TCEA2: variants seen among roughly 807,000 people sequenced by gnomAD.
The protein encoded by TCEA2 is transcription elongation factor A protein 2.
In TCEA2, 21 loss-of-function variants were observed where a neutral mutation model predicts 40.8. That is an observed-to-expected ratio of 0.51 (90% CI 0.36 to 0.74). TCEA2 has a LOEUF of 0.74. TCEA2 is among the 30% of genes least tolerant of loss of function. The pLI, the probability that TCEA2 is intolerant of heterozygous loss-of-function variation, is 0.00. For missense variants in TCEA2, 326 were observed against 426.5 expected (o/e 0.76, Z 2.08); for synonymous variants, 165 against 162.7 (o/e 1.01, Z -0.11).
At chr20:64,059,098 CAA>C (rs1038948251), upstream of TCEA2, among the ~76,000 whole-genome samples, 7 of 145,672 alleles carry the variant, frequency 4.8e-5, no homozygotes, top group African/African-American at 2.5e-5. Context: ...GAGGCTGAGA[CAA>C]GAGAATTGCT....
At chr20:64,069,881 C>G (rs746280512) in intron 6 of TCEA2, 60 bp downstream of exon 6, 7 of 1,589,200 alleles carry the variant, frequency 4.4e-6, no homozygotes, top group Non-Finnish European at 6.0e-6. Context: ...GGCTGCCTGG[C>G]CTGGTGCCCT....
upstream of TCEA2, among the ~76,000 whole-genome samples, chr20:64,056,444 A>G (rs542209733): frequency 1.3e-5 from 2 of 152,136 alleles, no homozygotes; most frequent in African/African-American, 4.8e-5. Flanking sequence ...AGAGCCCCCA[A>G]GGTGGGCTGG....
chr20:64,063,211 GT>G lies in TCEA2; in HGVS notation c.-101del, dbSNP rs1187874830. 21 of 1,064,298 alleles carry G rather than the reference GT, an allele frequency of 2.0e-5. No homozygotes were observed. The highest frequency in any genetic ancestry group is 4.4e-5 in the Admixed American group (1 of 22,696). The allele number at this position is 1,064,298 out of a possible 1,614,324, so 65.9% of individuals were successfully genotyped here. On this transcript the variant is annotated 5_prime_UTR_variant, in exon 1 of 10. Transcript: ENST00000343484. ...GGTCTGTCGTCCGCGGCGGGGCTGC[GT>G]CGGCTGCGGCGGGTGTGGGAGGTGG...
Position 64,070,516 on chromosome 20 carries a change from A to C in TCEA2, c.700A>C (p.Ile234Leu), listed in dbSNP as rs746888564. 2.5e-6 allele frequency: 4 copies of C among 1,613,712 alleles called. No homozygotes were observed. The highest frequency in any genetic ancestry group is 3.4e-6 in the Non-Finnish European group (4 of 1,180,018). Residue 234 changes from isoleucine (I) to leucine (L), a missense_variant, in exon 8 of 10, where the codon ATC becomes CTC. Ile to Leu is a conservative substitution (Grantham distance 5). Coordinates refer to ENST00000343484, the MANE Select transcript of TCEA2 (RefSeq NM_003195.6). ...GATGGCCAGTGATGAGCTGAAGGAG[A>C]TCCGTAAGGCCATGACCAAGGAGGC... ...EEMASDELKE[I>L]RKAMTKEAIR...
rs2059767605 is a variant in TCEA2 at position 64,069,239 on chromosome 20, GAGT to G, written c.330-119_330-117del. 5 of 1,403,858 alleles carry G rather than the reference GAGT, an allele frequency of 3.6e-6. No individual in the cohort carries two copies. The Admixed American group carries it at 1.2e-4, about 33-fold the overall frequency. The allele number at this position is 1,403,858 out of a possible 1,614,324, so 87.0% of individuals were successfully genotyped here. ...CACAGGCCACTGTTGGACTCTGGCA[GAGT>G]AGAACAAGCAGGGGTTGGTGGGGGA... On this transcript the variant is annotated intron_variant, in intron 4 of 9. Transcript: ENST00000343484.
At chr20:64,060,134 G>T (rs1044794706), upstream of TCEA2, among the ~76,000 whole-genome samples, 4 of 152,180 alleles carry the variant, frequency 2.6e-5, no homozygotes, top group African/African-American at 9.6e-5. Flanking sequence ...CAGCTCTCTG[G>T]GGTTAGTTCT....
At chr20:64,061,553 G>A (rs1487355551), upstream of TCEA2, among the ~76,000 whole-genome samples, 1 of 152,178 alleles carries the variant, frequency 6.6e-6, no homozygotes, top group Non-Finnish European at 1.5e-5. Context: ...GGGATTACAG[G>A]CATGAGCCAC....
In TCEA2 at chr20:64,069,396, C is replaced by T; in HGVS notation, c.365C>T (p.Thr122Ile). 5 of 1,609,512 alleles carry T rather than the reference C, an allele frequency of 3.1e-6. No homozygotes were observed. Among genetic ancestry groups the T allele is most frequent in the Non-Finnish European group, 4.2e-6 (5 of 1,178,260 alleles). The change falls in exon 5 of 10, where the codon ACT becomes ATT. Residue 122 changes from threonine (T) to isoleucine (I), a missense_variant. Transcript: ENST00000343484. ...KRPELPRAPS[T>I]PRITTFPPVP... The stretch of plus-strand genomic sequence containing the variant: ...CCGGAGCTGCCCAGGGCACCGTCGA[C>T]TCCGAGGATCACCACATTTCCTCCG...
At chr20:64,060,991 G>A (rs2145440511), upstream of TCEA2, among the ~76,000 whole-genome samples, 1 of 151,456 alleles carries the variant, frequency 6.6e-6, no homozygotes, top group African/African-American at 2.4e-5. Flanking sequence ...AGTAGAGACG[G>A]GGTTTCACCC....
At chr20:64,058,256 T>C (rs816957), upstream of TCEA2, among the ~76,000 whole-genome samples, 59,579 of 152,084 alleles carry the variant, frequency 0.39, 12,099 homozygotes, top group East Asian at 0.7. This position sits in a 1 kb window ranked among gnomAD's most constrained non-coding sequence, Gnocchi z 6.7. Flanking sequence ...AGTGACCCCA[T>C]CCACACCTGT....
intron 3 of TCEA2, 116 bp from the exon 4 acceptor site, chr20:64,067,918 AGGGGCTGGGGGCG>A: frequency 1.5e-6 from 1 of 662,166 alleles, no homozygotes; most frequent in South Asian, 2.3e-5. Context: ...TGGCTGGGTG[AGGGGCTGGGGGCG>A]GGGGCTGGGG....
intron 8 of TCEA2, among the ~76,000 whole-genome samples, 183 bp downstream of exon 8, chr20:64,070,818 G>A (rs753689542): frequency 3.9e-5 from 6 of 152,236 alleles, no homozygotes; most frequent in Admixed American, 1.3e-4. Flanking sequence ...GGACCTCTGG[G>A]CTCCACGGGG....
chr20:64,069,791 T>C lies in TCEA2; in HGVS notation c.487T>C (p.Cys163Arg). ...DHDHVAIGAD[C>R]ERLSAQIEEC... ...TGACCACGTGGCCATCGGTGCGGAC[T>C]GCGAGCGCCTGTCGGCTCAGATCGA... Residue 163 changes from cysteine (C) to arginine (R), a missense_variant, in exon 6 of 10, where the codon TGC (cysteine) becomes CGC (arginine). Transcript: ENST00000343484. The C allele has an allele frequency of 6.2e-7, 1 of 1,613,774 alleles. No homozygotes were observed. The highest frequency in any genetic ancestry group is 8.5e-7 in the Non-Finnish European group (1 of 1,179,750).
At chr20:64,056,471 G>T (rs1162472499), upstream of TCEA2, among the ~76,000 whole-genome samples, 4 of 152,252 alleles carry the variant, frequency 2.6e-5, no homozygotes, top group African/African-American at 9.6e-5. Context: ...TGATGGAAAG[G>T]GGCGCAGAGA....
rs1353937348 is a variant in TCEA2 at position 64,063,399 on chromosome 20, C to T, written c.72+15C>T. 1.9e-6 allele frequency: 3 copies of T among 1,543,518 alleles called. No individual in the cohort carries two copies. The highest frequency in any genetic ancestry group is 1.4e-5 in the African/African-American group (1 of 72,896). ...AGAAGAGCGCGGTGAGGGGCGCGGG[C>T]CGCCAGGACCCCGGGAACCCCGCCC... On this transcript the variant is annotated intron_variant, in intron 1 of 9. Transcript: ENST00000343484.
chr20:64,056,172 A>ATGGGC (rs1366036411), upstream of TCEA2, among the ~76,000 whole-genome samples: 1 of 152,018 alleles, frequency 6.6e-6, no homozygotes. Flanking sequence ...GGCCAAGGCT[A>ATGGGC]TGGGCTGGGC....
At position 64,068,145 on chromosome 20, in the gene TCEA2, T is replaced by G; in HGVS notation, c.329+11T>G. 1 of 1,604,298 alleles carries G rather than the reference T, an allele frequency of 6.2e-7. No individual in the cohort carries two copies. Among genetic ancestry groups the G allele is most frequent in the Non-Finnish European group, 8.5e-7 (1 of 1,175,444 alleles). On this transcript the variant is annotated intron_variant, in intron 4 of 9. Transcript: ENST00000343484. ...GGCCCCGGATCCCAGGTAGCACACC[T>G]GGAAGGCAGGTGCACACACTTCTGC...
At chr20:64,057,800 C>T (rs533886729) in intron 1 of TCEA2, 3 of 152,724 alleles carry the variant, frequency 2.0e-5, no homozygotes, top group African/African-American at 7.2e-5. Flanking sequence ...CGAGGCCACT[C>T]TCTAGGACTG....
chr20:64,067,093 A>G (rs2059713198), intron 3 of TCEA2, 73 bp downstream of exon 3: 2 of 1,424,396 alleles, frequency 1.4e-6, no homozygotes, highest in South Asian at 1.2e-5. Context: ...TGGTCAGCAC[A>G]GTGTAGAGTG....
Sources: gnomAD v4.1 joint callset for allele counts (sites outside exome capture counted in the v4.1 genomes callset) on GRCh38, gnomAD v4.1.1 for gene constraint, Gnocchi (gnomAD v3.1) non-coding constraint, MANE v1.5 for transcripts, NCBI Gene and HGNC (gene_info 2026-07-23, HGNC 2026-07-21) for gene names.